The following KCNIP1 variants were observed in gnomAD, a reference collection of about 807,000 sequenced individuals.
The protein encoded by KCNIP1 is potassium voltage-gated channel interacting protein 1.
Under a neutral mutation model 33.0 loss-of-function variants are expected in KCNIP1, and 18 were observed. The ratio of observed to expected loss-of-function variants is 0.55; its 90% CI spans 0.38 to 0.81. The LOEUF is 0.81. Among genes scored for constraint, KCNIP1 ranks in the 30% least tolerant of loss-of-function variants. The pLI, the probability that KCNIP1 is intolerant of heterozygous loss-of-function variation, is 0.00. For synonymous variants in KCNIP1, 93 were observed against 98.3 expected (o/e 0.95, Z 0.32); for missense variants, 238 against 271.6 (o/e 0.88, Z 0.87).
chr5:170,600,543 C>T (rs549956925), intron 1 of KCNIP1, among the ~76,000 whole-genome samples: 1 of 152,298 alleles, frequency 6.6e-6, no homozygotes, highest in South Asian at 2.1e-4. Context: ...GTGCCCACGC[C>T]TACCTCCTCT....
chr5:170,451,262 T>G (rs946693639), intron 1 of KCNIP1, among the ~76,000 whole-genome samples: 17 of 152,178 alleles, frequency 1.1e-4, no homozygotes, highest in Admixed American at 1.1e-3. Flanking sequence ...TGGGAGTAAC[T>G]GTTTACCAAT....
At chr5:170,707,439 C>T (rs1047824500) in intron 1 of KCNIP1, among the ~76,000 whole-genome samples, 1 of 152,142 alleles carries the variant, frequency 6.6e-6, no homozygotes, top group Non-Finnish European at 1.5e-5. Flanking sequence ...CTTTCCCAGC[C>T]GTTTGTTTCT....
chr5:170,656,825 G>A (rs1406497033), intron 1 of KCNIP1, among the ~76,000 whole-genome samples: 1 of 152,050 alleles, frequency 6.6e-6, no homozygotes, highest in East Asian at 1.9e-4. Context: ...CCCTTTAACA[G>A]CGCACATGGG....
chr5:170,483,101 C>A (rs1391306348), intron 1 of KCNIP1: 1 of 455,230 alleles, frequency 2.2e-6, no homozygotes, highest in Non-Finnish European at 4.4e-6. Flanking sequence ...AGCCGGATAG[C>A]TTGGGCAGTA....
At chr5:170,606,283 T>C (rs2113602921) in intron 1 of KCNIP1, among the ~76,000 whole-genome samples, 1 of 152,320 alleles carries the variant, frequency 6.6e-6, no homozygotes, top group Non-Finnish European at 1.5e-5. Flanking sequence ...CGTTGGCTCA[T>C]ATGGTAACTC....
chr5:170,390,513 A>AAAAAAAAAAAAAAAAAAAAAAAT (rs1405401084), intron 1 of KCNIP1, among the ~76,000 whole-genome samples: 1 of 28,866 alleles, frequency 3.5e-5, no homozygotes, highest in Non-Finnish European at 7.0e-5. Context: ...AAAAAAAAAA[A>AAAAAAAAAAAAAAAAAAAAAAAT]ACAAATATAT....
At chr5:170,467,875 G>A (rs921249752) in intron 1 of KCNIP1, among the ~76,000 whole-genome samples, 3 of 129,044 alleles carry the variant, frequency 2.3e-5, no homozygotes, top group Admixed American at 1.0e-4. Flanking sequence ...CTGAGATCAC[G>A]CCATTGCACT....
At chr5:170,589,033 C>G (rs1257566759) in intron 1 of KCNIP1, among the ~76,000 whole-genome samples, 1 of 136,460 alleles carries the variant, frequency 7.3e-6, no homozygotes. Context: ...GAGTCTCGCT[C>G]TGTAGCCCAG....
At chr5:170,709,775 TCTCTTTCTTTTC>T in intron 1 of KCNIP1, among the ~76,000 whole-genome samples, 1 of 152,326 alleles carries the variant, frequency 6.6e-6, no homozygotes, top group South Asian at 2.1e-4. Context: ...TCATTATTTA[TCTCTTTCTTTTC>T]TGAGACTCCA....
chr5:170,667,165 A>G (rs1761735667), intron 1 of KCNIP1, among the ~76,000 whole-genome samples: 1 of 152,046 alleles, frequency 6.6e-6, no homozygotes, highest in Non-Finnish European at 1.5e-5. Context: ...ATATAAAATA[A>G]GCTGGGCGGG....
Position 170,353,800 on chromosome 5 carries a change from C to T in KCNIP1, c.-77C>T, listed in dbSNP as rs966397571. ...CAGGGTTCATTCACCCAGGCAGGCT[C>T]CAAGTTCCTGGGGTGCACAAGGTGG... On this transcript the variant is annotated 5_prime_UTR_variant, in exon 1 of 8. Transcript: ENST00000377360. 7 of 1,379,268 alleles carry T rather than the reference C, an allele frequency of 5.1e-6. No homozygotes were observed. In the Admixed American group the frequency reaches 1.3e-4, roughly 25 times the overall value. The allele number at this position is 1,379,268 out of a possible 1,614,324, so 85.4% of individuals were successfully genotyped here. A position where few individuals can be genotyped will look rare whatever the true frequency, so the allele number is the denominator to read the frequency against.
chr5:170,648,849 G>A (rs1293398980), intron 1 of KCNIP1, among the ~76,000 whole-genome samples: 1 of 152,170 alleles, frequency 6.6e-6, no homozygotes, highest in Non-Finnish European at 1.5e-5. Context: ...AGCTGTGCAT[G>A]TGCGGGAGTA....
chr5:170,606,895 G>A (rs948734659), intron 1 of KCNIP1, among the ~76,000 whole-genome samples: 1 of 152,184 alleles, frequency 6.6e-6, no homozygotes, highest in Non-Finnish European at 1.5e-5. Context: ...CCAAGAAACT[G>A]CTCCTTCCCA....
chr5:170,615,315 C>T (rs1016307876), intron 1 of KCNIP1, among the ~76,000 whole-genome samples: 3 of 152,148 alleles, frequency 2.0e-5, no homozygotes, highest in Non-Finnish European at 2.9e-5. Flanking sequence ...CCTGGCAGAG[C>T]ACACTCAGGA....
intron 1 of KCNIP1, chr5:170,681,387 G>C: frequency 2.8e-6 from 1 of 354,686 alleles, no homozygotes; most frequent in East Asian, 4.1e-5. Flanking sequence ...GGTGCGCCTG[G>C]GGAGTGCGGG....
chr5:170,715,179 A>G (rs1027473262), intron 1 of KCNIP1, among the ~76,000 whole-genome samples: 1 of 152,236 alleles, frequency 6.6e-6, no homozygotes, highest in African/African-American at 2.4e-5. Context: ...TATTCAGTAC[A>G]ATAACACACT....
chr5:170,585,660 C>G (rs1173182153), intron 1 of KCNIP1, among the ~76,000 whole-genome samples: 2 of 152,172 alleles, frequency 1.3e-5, no homozygotes, highest in Non-Finnish European at 2.9e-5. Context: ...GGGCACCCAG[C>G]AGCGTCTAGA....
intron 1 of KCNIP1, among the ~76,000 whole-genome samples, chr5:170,584,980 T>C (rs1238657748): frequency 6.6e-6 from 1 of 152,006 alleles, no homozygotes; most frequent in Non-Finnish European, 1.5e-5. Context: ...GTGTTAACCC[T>C]TTACAGGCAT....
chr5:170,566,498 C>T (rs560857334), intron 1 of KCNIP1, among the ~76,000 whole-genome samples: 1 of 152,320 alleles, frequency 6.6e-6, no homozygotes, highest in South Asian at 2.1e-4. Flanking sequence ...CAAGGTCATA[C>T]AAGGACTGGA....
Sources: allele counts gnomAD v4.1 joint callset (sites outside exome capture counted in the v4.1 genomes callset), GRCh38; gene constraint gnomAD v4.1.1; transcripts MANE v1.5; gene names NCBI Gene and HGNC (gene_info 2026-07-23, HGNC 2026-07-21).